The following MTHFS variants were observed in gnomAD, a reference collection of about 807,000 sequenced individuals.
The protein encoded by MTHFS is methenyltetrahydrofolate synthetase.
MTHFS carries 7 observed loss-of-function variants against 12.7 expected under a neutral mutation model. The ratio of observed to expected loss-of-function variants is 0.55; its 90% confidence interval spans 0.31 to 1.03. The LOEUF is 1.03. MTHFS is among the 50% of genes least tolerant of loss of function. The pLI, the probability that MTHFS is intolerant of heterozygous loss-of-function variation, is 0.05. For synonymous variants in MTHFS, 100 were observed against 97.1 expected (o/e 1.03, Z -0.18); for missense variants, 252 against 258.1 (o/e 0.98, Z 0.16).
Position 79,886,410 on chromosome 15 carries a change from A to T in MTHFS, c.379+2683T>A, listed in dbSNP as rs186344856. 7.2e-5 allele frequency among the ~76,000 whole-genome samples: 11 copies of T among 152,294 alleles called. No individual in the cohort carries two copies. In the East Asian group the frequency reaches 7.7e-4, roughly 11 times the overall value. On this transcript the variant is annotated intron_variant, in intron 2 of 2. Transcript: ENST00000258874. ...CTATAAACAACAACAGCGAGCTTTG[A>T]CCCCAGACTGAAGTTTCGAGAAACT...
chr15:79,858,394 T>C (rs2141348205), intron 2 of MTHFS, among the ~76,000 whole-genome samples: 1 of 152,310 alleles, frequency 6.6e-6, no homozygotes, highest in Admixed American at 6.5e-5. Context: ...TGGCCTATTG[T>C]ATCAACCACG....
chr15:79,886,095 A>G (rs2034378345), intron 2 of MTHFS, among the ~76,000 whole-genome samples: 1 of 152,266 alleles, frequency 6.6e-6, no homozygotes, highest in Admixed American at 6.5e-5. Context: ...ATACAAGAAT[A>G]GCCCATGGGA....
At chr15:79,881,433 C>T (rs1250945280) in intron 2 of MTHFS, among the ~76,000 whole-genome samples, 3 of 152,010 alleles carry the variant, frequency 2.0e-5, no homozygotes, top group Non-Finnish European at 4.4e-5. Flanking sequence ...ATTCTAAAGC[C>T]GCTGCAAAAG....
rs550185176 is a variant in MTHFS at position 79,862,450 on chromosome 15, A to G, written c.380-17008T>C. On this transcript the variant is annotated intron_variant, in intron 2 of 2. Transcript: ENST00000258874. Reference sequence around the variant, plus strand: ...TTAATTACTACTTTTGCAAGGAGAAACTGAAAATGCTGATGGGTGAGCAGC... The same window carrying G: ...TTAATTACTACTTTTGCAAGGAGAAGCTGAAAATGCTGATGGGTGAGCAGC... Among the ~76,000 whole-genome samples the G allele has an allele frequency of 2.0e-5, 3 of 152,320 alleles. No individual in the cohort carries two copies. The South Asian group carries it at 6.2e-4, about 32-fold the overall frequency.
At chr15:79,879,191 G>C (rs181663576) in intron 2 of MTHFS, among the ~76,000 whole-genome samples, 2 of 152,060 alleles carry the variant, frequency 1.3e-5, no homozygotes, top group Admixed American at 1.3e-4. Flanking sequence ...TAAATGACCA[G>C]TACTTCCCAA....
chr15:79,880,791 C>CAAAAAAAAAAAAA (rs200480158), intron 2 of MTHFS, among the ~76,000 whole-genome samples: 1 of 106,740 alleles, frequency 9.4e-6, no homozygotes, highest in Non-Finnish European at 2.0e-5. Flanking sequence ...AGTAGTAAAG[C>CAAAAAAAAAAAAA]AAAAAAAAAA....
chr15:79,884,436 A>C (rs2034348343), intron 2 of MTHFS, among the ~76,000 whole-genome samples: 1 of 152,196 alleles, frequency 6.6e-6, no homozygotes. Flanking sequence ...TATTCAGCGT[A>C]CAGAGAAGGC....
chr15:79,880,280 A>C (rs369254014), intron 2 of MTHFS, among the ~76,000 whole-genome samples: 2 of 151,758 alleles, frequency 1.3e-5, no homozygotes, highest in African/African-American at 4.8e-5. Context: ...CGGGGTTTCA[A>C]CATGTTAGCC....
At chr15:79,852,458 A>C (rs946041828) in intron 2 of MTHFS, among the ~76,000 whole-genome samples, 1 of 152,198 alleles carries the variant, frequency 6.6e-6, no homozygotes, top group East Asian at 1.9e-4. Context: ...ATAGACTGTT[A>C]ATTTTTAAAA....
chr15:79,869,727 C>A (rs1443045115), intron 2 of MTHFS, among the ~76,000 whole-genome samples: 4 of 152,126 alleles, frequency 2.6e-5, no homozygotes, highest in Admixed American at 2.6e-4. Context: ...AGCCACCATG[C>A]CTGGCTCACT....
At chr15:79,868,977 C>G (rs2034058490) in intron 2 of MTHFS, among the ~76,000 whole-genome samples, 1 of 151,834 alleles carries the variant, frequency 6.6e-6, no homozygotes, top group South Asian at 2.1e-4. Flanking sequence ...TAATGTAAAC[C>G]TTTTCATGAA....
intron 1 of MTHFS, among the ~76,000 whole-genome samples, chr15:79,895,184 C>A (rs2034547378): frequency 6.6e-6 from 1 of 152,186 alleles, no homozygotes; most frequent in Non-Finnish European, 1.5e-5. Flanking sequence ...CAGATTCAGC[C>A]CAGATCTGTG....
chr15:79,873,806 G>A (rs1327969627), intron 2 of MTHFS, among the ~76,000 whole-genome samples: 1 of 152,158 alleles, frequency 6.6e-6, no homozygotes, highest in Admixed American at 6.5e-5. Context: ...GCTAAACATA[G>A]GAATATTACA....
chr15:79,852,701 A>T (rs903124618), intron 2 of MTHFS, among the ~76,000 whole-genome samples: 7 of 152,248 alleles, frequency 4.6e-5, no homozygotes, highest in Admixed American at 1.3e-4. Context: ...AAGCATTAGA[A>T]ATAAGTACCA....
At chr15:79,893,371 C>T (rs1346069512) in intron 1 of MTHFS, among the ~76,000 whole-genome samples, 1 of 151,334 alleles carries the variant, frequency 6.6e-6, no homozygotes, top group Non-Finnish European at 1.5e-5. Context: ...CACTGCACTC[C>T]AGCCTGGGCA....
At chr15:79,872,589 C>A (rs1324993026) in intron 2 of MTHFS, among the ~76,000 whole-genome samples, 1 of 152,170 alleles carries the variant, frequency 6.6e-6, no homozygotes, top group Non-Finnish European at 1.5e-5. Flanking sequence ...TTCAGGTAAA[C>A]CCACATTTGG....
In MTHFS at chr15:79,858,006, A is replaced by G. The variant is rs575555353; in HGVS notation, c.380-12564T>C. ...ACTCCAGCCTGGGTGACAGAGCGAG[A>G]CTCCATCTCAAAAAAAAAAAAAAAA... On this transcript the variant is annotated intron_variant, in intron 2 of 2. Coordinates refer to ENST00000258874, the MANE Select transcript of MTHFS (RefSeq NM_006441.4). Among the ~76,000 whole-genome samples the G allele has an allele frequency of 1.9e-3, 241 of 124,964 alleles. 5 individuals carry two copies. The highest frequency in any genetic ancestry group is 1.6e-3 in the Non-Finnish European group (100 of 62,286). The allele number at this position is 124,964 out of a possible 152,430, so 82.0% of individuals were successfully genotyped here. A position where few individuals can be genotyped will look rare whatever the true frequency, so the allele number is the denominator to read the frequency against.
At chr15:79,869,338 A>G (rs1262448254) in intron 2 of MTHFS, among the ~76,000 whole-genome samples, 1 of 152,230 alleles carries the variant, frequency 6.6e-6, no homozygotes, top group Non-Finnish European at 1.5e-5. Flanking sequence ...TTCAGGACAA[A>G]GCTTTTAACA....
rs773378988 is a variant in MTHFS at position 79,888,496 on chromosome 15, C to T, written c.379+597G>A. Among the ~76,000 whole-genome samples, 96 of 73,128 alleles carry T rather than the reference C, an allele frequency of 1.3e-3. 1 individual carries two copies. Among genetic ancestry groups the T allele is most frequent in the Admixed American group, 7.3e-3 (49 of 6,676 alleles). The allele number at this position is 73,128 out of a possible 152,430, so 48.0% of individuals were successfully genotyped here. A position where few individuals can be genotyped will look rare whatever the true frequency, so the allele number is the denominator to read the frequency against. On this transcript the variant is annotated intron_variant, in intron 2 of 2. Coordinates refer to ENST00000258874, the MANE Select transcript of MTHFS (RefSeq NM_006441.4). Reference sequence around the variant, plus strand: ...GGATGCAAGACATGGAGAGAAAGAACAGTTAAAAGGCCTTTCCAGGAATGC... The same window carrying T: ...GGATGCAAGACATGGAGAGAAAGAATAGTTAAAAGGCCTTTCCAGGAATGC...
Sources: allele counts gnomAD v4.1 joint callset (sites outside exome capture counted in the v4.1 genomes callset), GRCh38; gene constraint gnomAD v4.1.1; transcripts MANE v1.5; gene names NCBI Gene and HGNC (gene_info 2026-07-23, HGNC 2026-07-21).